The following LRRFIP2 variants were observed in gnomAD, a reference collection of about 807,000 sequenced individuals.
LRRFIP2 encodes the protein LRR binding FLII interacting protein 2, also known as leucine-rich repeat flightless-interacting protein 2.
In LRRFIP2, 109 loss-of-function variants were observed where a neutral mutation model predicts 125.9. That is an observed-to-expected ratio of 0.87 (90% CI 0.74 to 1.01). LRRFIP2 has a LOEUF of 1.01. Among genes scored for constraint, LRRFIP2 ranks in the 50% least tolerant of loss-of-function variants. LRRFIP2 has a pLI of 0.00. For missense variants in LRRFIP2, 850 were observed against 862.3 expected, an observed-to-expected ratio of 0.99 and a Z score of 0.18; for synonymous variants, 291 against 293.1, an observed-to-expected ratio of 0.99 and a Z score of 0.07.
At position 37,125,210 on chromosome 3, in the gene LRRFIP2, C is replaced by T. The variant is rs76360787; in HGVS notation, c.228+2420G>A. ...TATACCTGGCCATCTTTTCTGTCAA[C>T]AAATAGTATTTGTTACTAAGTTGAC... On this transcript the variant is annotated intron_variant, in intron 4 of 27. Coordinates refer to ENST00000336686, the MANE Select transcript of LRRFIP2 (RefSeq NM_006309.4). Among the ~76,000 whole-genome samples, 1,387 of 152,268 alleles carry T rather than the reference C, an allele frequency of 9.1e-3. 25 individuals are homozygous for T. Among genetic ancestry groups the T allele is most frequent in the African/African-American group, 0.032 (1,324 of 41,536 alleles).
At chr3:37,090,896 C>A (rs760784524) in intron 18 of LRRFIP2, among the ~76,000 whole-genome samples, 14 of 152,166 alleles carry the variant, frequency 9.2e-5, no homozygotes, top group Non-Finnish European at 2.1e-4. Context: ...GTTGCTACTT[C>A]CTCTCACATT....
At chr3:37,129,319 C>A (rs1366588146) in intron 2 of LRRFIP2, among the ~76,000 whole-genome samples, 170 bp from the exon 3 acceptor site, 1 of 152,194 alleles carries the variant, frequency 6.6e-6, no homozygotes, top group African/African-American at 2.4e-5. Context: ...CTTATAAACT[C>A]ATTTCTTTCT....
chr3:37,060,754 TATC>T lies in LRRFIP2; in HGVS notation c.1750-1847_1750-1845del, dbSNP rs1315311413. 6.6e-6 allele frequency among the ~76,000 whole-genome samples: 1 copy of T among 152,166 alleles called. No individual in the cohort carries two copies. The highest frequency in any genetic ancestry group is 1.5e-5 in the Non-Finnish European group (1 of 68,024). On this transcript the variant is annotated intron_variant, in intron 24 of 27. Coordinates refer to ENST00000336686, the MANE Select transcript of LRRFIP2 (RefSeq NM_006309.4). This position sits in a 1 kb window ranked among gnomAD's most constrained non-coding sequence, Gnocchi z 4.1. ...CTTCAAATTATATACACTAACTACT[TATC>T]ATTGCCAAAATCCCATTCCTTCATC... is the stretch of plus-strand genomic sequence containing the variant.
chr3:37,106,960 A>C (rs1284579271), intron 13 of LRRFIP2, among the ~76,000 whole-genome samples: 1 of 149,088 alleles, frequency 6.7e-6, no homozygotes, highest in African/African-American at 2.5e-5. Context: ...GCTGGAGTGC[A>C]ATGGCGTGAT....
rs1486740376 is a variant in LRRFIP2, at chr3:37,096,803, C to T, written c.874-143G>A. The stretch of plus-strand genomic sequence containing the variant: ...CATATTAAAAATGAAATTAAAATTC[C>T]AGTTTAACATAAGATAAAATGTCAG... On this transcript the variant is annotated intron_variant, in intron 15 of 27. Coordinates refer to ENST00000336686, the MANE Select transcript of LRRFIP2 (RefSeq NM_006309.4). 5 of 549,546 alleles carry T rather than the reference C, an allele frequency of 9.1e-6. No homozygotes were observed. In the East Asian group the frequency reaches 1.7e-4, roughly 18 times the overall value. The allele number at this position is 549,546 out of a possible 1,614,324, so 34.0% of individuals were successfully genotyped here. A position where few individuals can be genotyped will look rare whatever the true frequency, so the allele number is the denominator to read the frequency against.
chr3:37,081,883 T>A (rs2092672902), intron 19 of LRRFIP2, among the ~76,000 whole-genome samples: 1 of 132,838 alleles, frequency 7.5e-6, no homozygotes. Context: ...TGAGACCTTG[T>A]CTCCAAAAGA....
chr3:37,129,809 A>T (rs2095380413), intron 2 of LRRFIP2, among the ~76,000 whole-genome samples: 1 of 152,178 alleles, frequency 6.6e-6, no homozygotes, highest in Non-Finnish European at 1.5e-5. Flanking sequence ...CTTAGGCAAC[A>T]TGATGAAACC....
intron 1 of LRRFIP2, among the ~76,000 whole-genome samples, chr3:37,173,933 G>C (rs1250971592): frequency 6.6e-6 from 1 of 152,158 alleles, no homozygotes; most frequent in East Asian, 1.9e-4. Flanking sequence ...GGTTTCCCTT[G>C]CATATTTACC....
intron 19 of LRRFIP2, among the ~76,000 whole-genome samples, chr3:37,082,881 T>G (rs1444350261): frequency 1.3e-5 from 2 of 152,190 alleles, no homozygotes; most frequent in Non-Finnish European, 2.9e-5. Context: ...TTCAGATTGC[T>G]GTTTCTAACA....
intron 15 of LRRFIP2, among the ~76,000 whole-genome samples, chr3:37,101,790 A>C (rs2094071470): frequency 6.6e-6 from 1 of 152,308 alleles, no homozygotes; most frequent in South Asian, 2.1e-4. Flanking sequence ...AACAACACTA[A>C]TGCCAGCAAG....
At chr3:37,117,495 AAAAG>A (rs969349547) in intron 6 of LRRFIP2, among the ~76,000 whole-genome samples, 2 of 152,202 alleles carry the variant, frequency 1.3e-5, no homozygotes, top group East Asian at 1.9e-4. Context: ...TGTTGTAAAG[AAAAG>A]AAAGATTCAT....
chr3:37,058,824 C>T lies in LRRFIP2; in HGVS notation c.1836G>A (p.Gln612=), dbSNP rs2087694023. The T allele has an allele frequency of 3.1e-6, 5 of 1,614,144 alleles. No homozygotes were observed. Among genetic ancestry groups the T allele is most frequent in the Non-Finnish European group, 4.2e-6 (5 of 1,180,000 alleles). ...CGATGAACTGCAAGTCTGAGCCATT[C>T]TGCAGTCCTGCCAGGTCACCCACTG... ...DGTVGDLAGL[Q]NGSDLQFIEM... is the part of the protein sequence containing the mutation. The change falls in exon 25 of 28, where the codon CAG becomes CAA. Residue 612 remains glutamine (Q), a synonymous_variant. Coordinates refer to ENST00000336686, the MANE Select transcript of LRRFIP2 (RefSeq NM_006309.4).
chr3:37,087,112 C>T (rs996241622), intron 18 of LRRFIP2, among the ~76,000 whole-genome samples: 3 of 152,070 alleles, frequency 2.0e-5, no homozygotes, highest in African/African-American at 7.2e-5. Flanking sequence ...CCTTGGCCTC[C>T]AAAACTGGAT....
rs539971966 is a variant in LRRFIP2 at position 37,118,816 on chromosome 3, C to T, written c.330+2676G>A. Among the ~76,000 whole-genome samples the T allele has an allele frequency of 2.6e-5, 4 of 152,280 alleles. No individual in the cohort carries two copies. In the East Asian group the frequency reaches 7.7e-4, roughly 29 times the overall value. On this transcript the variant is annotated intron_variant, in intron 6 of 27. Transcript: ENST00000336686. ...TCAAAAAGTATTAGACCTCTTAGTACACGGCCTTAAGTTTTTAAAAATAAC... is the reference window on the plus strand; with the variant it reads ...TCAAAAAGTATTAGACCTCTTAGTATACGGCCTTAAGTTTTTAAAAATAAC...
At chr3:37,117,992 C>G (rs2094870787) in intron 6 of LRRFIP2, among the ~76,000 whole-genome samples, 1 of 151,816 alleles carries the variant, frequency 6.6e-6, no homozygotes, top group South Asian at 2.1e-4. Context: ...AAAATTATAC[C>G]AAGGCTACTG....
chr3:37,173,342 G>A (rs1183757765), intron 1 of LRRFIP2, among the ~76,000 whole-genome samples: 1 of 151,958 alleles, frequency 6.6e-6, no homozygotes, highest in Non-Finnish European at 1.5e-5. Flanking sequence ...AGCTGGGACT[G>A]CAGGGACACA....
intron 1 of LRRFIP2, among the ~76,000 whole-genome samples, chr3:37,167,681 AAG>A (rs1420678669): frequency 6.6e-6 from 1 of 151,280 alleles, no homozygotes. Flanking sequence ...AGAAAGAAAA[AAG>A]AAAAAAAAAA....
chr3:37,166,092 C>T (rs1464247811), intron 1 of LRRFIP2, among the ~76,000 whole-genome samples: 1 of 152,152 alleles, frequency 6.6e-6, no homozygotes, highest in Non-Finnish European at 1.5e-5. Flanking sequence ...AATCCCAGCA[C>T]TTTGGAAGGC....
In LRRFIP2 at chr3:37,121,534, T is replaced by G. The variant is rs1423966004; in HGVS notation, c.288A>C (p.Gly96=). ...TTCGAATGGACAATGCATCCTCAAC[T>G]CCCTGATAAAAATGAAAATAAACAC... ...HRSSHHRPYL[G]VEDALSIRSV... is the part of the protein sequence containing the mutation. Residue 96 remains glycine (G), a splice_region_variant and synonymous_variant, in exon 6 of 28, where the codon GGA becomes GGC. Transcript: ENST00000336686. 6.2e-7 allele frequency: 1 copy of G among 1,613,910 alleles called. No homozygotes were observed. The highest frequency in any genetic ancestry group is 1.3e-5 in the African/African-American group (1 of 74,998).
Sources: gnomAD v4.1 joint callset for allele counts (sites outside exome capture counted in the v4.1 genomes callset) on GRCh38, gnomAD v4.1.1 for gene constraint, Gnocchi (gnomAD v3.1) non-coding constraint, MANE v1.5 for transcripts, NCBI Gene and HGNC (gene_info 2026-07-23, HGNC 2026-07-21) for gene names.